Variants in KCNA3 observed in about 807,000 individuals in gnomAD.
KCNA3 encodes the protein RP11-284N8.3.
A neutral mutation model predicts 34.3 loss-of-function variants in KCNA3; 18 were observed. That is an observed-to-expected ratio of 0.52 (90% CI 0.36 to 0.78). KCNA3 has a LOEUF of 0.78. Ranked by LOEUF, KCNA3 falls within the 30% of genes least tolerant of loss-of-function variation. The probability of loss-of-function intolerance (pLI) is 0.00; values close to 1 mark genes in which losing one functional copy is unlikely to be tolerated. For synonymous variants in KCNA3, 324 were observed against 351.7 expected (o/e 0.92, Z 0.88); for missense variants, 587 against 802.5 (o/e 0.73, Z 3.24).
chr1:110,662,136 ATTC>A, the KCNA3 span, among the ~76,000 whole-genome samples: 118 of 108,160 alleles, frequency 1.1e-3, no homozygotes, highest in East Asian at 1.5e-3. Context: ...AAAAAAAAAA[ATTC>A]AGAATGTCTA....
chr1:110,663,211 T>A, the KCNA3 span, among the ~76,000 whole-genome samples: 3 of 152,106 alleles, frequency 2.0e-5, no homozygotes, highest in African/African-American at 7.2e-5. Flanking sequence ...AAATAAACAA[T>A]GTCACAATCC....
the KCNA3 span, among the ~76,000 whole-genome samples, chr1:110,657,531 T>C: frequency 6.6e-6 from 1 of 152,182 alleles, no homozygotes; most frequent in African/African-American, 2.4e-5. Context: ...TGGTCTACTG[T>C]TATCTAAACC....
the KCNA3 span, among the ~76,000 whole-genome samples, chr1:110,659,738 T>C: frequency 6.6e-6 from 1 of 152,200 alleles, no homozygotes. Flanking sequence ...ATATACACCA[T>C]GGAATACTAT....
the KCNA3 span, chr1:110,656,765 G>T: frequency 6.6e-6 from 1 of 152,054 alleles, no homozygotes; most frequent in Non-Finnish European, 1.5e-5. Flanking sequence ...CTCTGGTACA[G>T]TTTTAGCATT....
downstream of KCNA3, among the ~76,000 whole-genome samples, chr1:110,667,956 C>A (rs1249466727): frequency 6.6e-6 from 1 of 152,106 alleles, no homozygotes; most frequent in East Asian, 1.9e-4. Flanking sequence ...ATAGTAAGGT[C>A]TGGGCTCTGA....
chr1:110,660,444 G>T, the KCNA3 span, among the ~76,000 whole-genome samples: 4 of 152,134 alleles, frequency 2.6e-5, no homozygotes, highest in South Asian at 8.3e-4. Flanking sequence ...CCATCTTACT[G>T]TGGTAATCTA....
At chr1:110,663,299 A>G in the KCNA3 span, among the ~76,000 whole-genome samples, 1,422 of 152,228 alleles carry the variant, frequency 9.3e-3, 24 homozygotes, top group African/African-American at 0.033. Context: ...AATCCCTAAC[A>G]TTTTTCTCAG....
At chr1:110,663,835 C>T in the KCNA3 span, among the ~76,000 whole-genome samples, 1 of 152,176 alleles carries the variant, frequency 6.6e-6, no homozygotes, top group Admixed American at 6.5e-5. Context: ...CAAATCTGCT[C>T]TTACTTTTCA....
chr1:110,674,186 C>G lies in KCNA3; in HGVS notation c.624G>C (p.Glu208Asp), dbSNP rs1049061732. The G allele has an allele frequency of 5.0e-6, 8 of 1,612,142 alleles. No homozygotes were observed. In the Admixed American group the frequency reaches 5.0e-5, roughly 10 times the overall value. Residue 208 changes from glutamate to aspartate, a missense_variant, in exon 1 of 1, where the codon GAG becomes GAC. Physicochemically the swap from Glu to Asp is conservative, Grantham distance 45 (BLOSUM62 2). Coordinates refer to ENST00000369769, the MANE Select transcript of KCNA3 (RefSeq NM_002232.5). This position sits in a 1 kb window ranked among gnomAD's most constrained non-coding sequence, Gnocchi z 6.4. ...REDEGFLREE[E>D]RPLPRRDFQR... is the part of the protein sequence containing the mutation. ...GGAAGTCGCGGCGGGGCAAGGGCCG[C>G]TCCTCCTCCCGCAGGAAGCCCTCGT...
chr1:110,670,874 C>T (rs1401813413), downstream of KCNA3, among the ~76,000 whole-genome samples: 1 of 152,134 alleles, frequency 6.6e-6, no homozygotes, highest in Non-Finnish European at 1.5e-5. Flanking sequence ...TATAAATGTA[C>T]TCCTAACTGA....
At chr1:110,667,451 C>T in the KCNA3 span, among the ~76,000 whole-genome samples, 3 of 152,190 alleles carry the variant, frequency 2.0e-5, no homozygotes, top group Admixed American at 2.0e-4. Flanking sequence ...CAGAGTCTTG[C>T]ATGAACAAAT....
At position 110,674,305 on chromosome 1, in the gene KCNA3, T is replaced by A; in HGVS notation, c.505A>T (p.Ile169Phe). The change falls in exon 1 of 1, where the codon ATC becomes TTC. Residue 169 changes from isoleucine (I) to phenylalanine (F), a missense_variant. This residue lies in a region of KCNA3 where 341 missense variants were observed against 355.4 expected (regional missense o/e 0.96). Coordinates refer to ENST00000369769, the MANE Select transcript of KCNA3 (RefSeq NM_002232.5). This position sits in a 1 kb window ranked among gnomAD's most constrained non-coding sequence, Gnocchi z 6.4. Reference sequence around the variant, plus strand: ...ATGGGCACGTTGACCGGCCGGCGGATGCGGCCCCCGGACTGATAGTAGTAG... The same window carrying A: ...ATGGGCACGTTGACCGGCCGGCGGAAGCGGCCCCCGGACTGATAGTAGTAG... ...ILYYYQSGGR[I>F]RRPVNVPIDI... 6.2e-7 allele frequency: 1 copy of A among 1,614,122 alleles called. No homozygotes were observed. The highest frequency in any genetic ancestry group is 8.5e-7 in the Non-Finnish European group (1 of 1,180,000).
At chr1:110,660,007 A>G in the KCNA3 span, among the ~76,000 whole-genome samples, 1 of 152,170 alleles carries the variant, frequency 6.6e-6, no homozygotes, top group Non-Finnish European at 1.5e-5. Flanking sequence ...TGGGTGCAGC[A>G]AACCAACATG....
the KCNA3 span, among the ~76,000 whole-genome samples, chr1:110,662,171 T>C: frequency 0.011 from 1,556 of 148,182 alleles, 22 homozygotes; most frequent in African/African-American, 0.036. Context: ...AAGATGTGGG[T>C]TGAAAGGCTT....
At chr1:110,658,057 T>C in the KCNA3 span, among the ~76,000 whole-genome samples, 2 of 152,232 alleles carry the variant, frequency 1.3e-5, no homozygotes, top group Non-Finnish European at 2.9e-5. Context: ...TTTCATTTTT[T>C]CCTGTAGTGA....
At chr1:110,664,088 A>AT in the KCNA3 span, among the ~76,000 whole-genome samples, 1 of 152,114 alleles carries the variant, frequency 6.6e-6, no homozygotes, top group African/African-American at 2.4e-5. Flanking sequence ...GACTCCATGG[A>AT]TTTTCAGGAC....
chr1:110,673,013 A>G lies in KCNA3; in HGVS notation c.*69T>C, dbSNP rs779411809. The G allele has an allele frequency of 2.6e-4, 361 of 1,414,072 alleles. No individual in the cohort carries two copies. Among genetic ancestry groups the G allele is most frequent in the Non-Finnish European group, 3.2e-4 (329 of 1,034,994 alleles). The allele number at this position is 1,414,072 out of a possible 1,614,324, so 87.6% of individuals were successfully genotyped here. On this transcript the variant is annotated 3_prime_UTR_variant, in exon 1 of 1. Coordinates refer to ENST00000369769, the MANE Select transcript of KCNA3 (RefSeq NM_002232.5). This position sits in a 1 kb window ranked among gnomAD's most constrained non-coding sequence, Gnocchi z 8.8. ...GAATGGTCTGGAAATGTATAAAACA[A>G]GGGCATAGGCAGACCAAGGGGGCAC...
Position 110,673,332 on chromosome 1 carries a change from C to T in KCNA3, c.1478G>A (p.Gly493Glu). The T allele has an allele frequency of 3.7e-6, 6 of 1,614,078 alleles. No homozygotes were observed. Among genetic ancestry groups the T allele is most frequent in the Non-Finnish European group, 5.1e-6 (6 of 1,180,028 alleles). ...FNYFYHRETE[G>E]EEQSQYMHVG... ...GTGCATGTACTGGGATTGCTCTTCC[C>T]CTTCTGTCTCCCGGTGGTAGAAGTA... is the stretch of plus-strand genomic sequence containing the variant. Residue 493 changes from glycine (G) to glutamate (E), a missense_variant, in exon 1 of 1, where the codon GGG (glycine) becomes GAG (glutamate). Gly to Glu is a moderately conservative substitution (Grantham distance 98, BLOSUM62 -2). Transcript: ENST00000369769. The surrounding 1 kb of genome is among the most constrained non-coding windows in gnomAD (Gnocchi z 8.8).
chr1:110,673,994 G>A lies in KCNA3; in HGVS notation c.816C>T (p.Asp272=), dbSNP rs1472897991. The stretch of plus-strand genomic sequence containing the variant: ...TGCTGTTGCCGGCTGCTTCGAATGA[G>A]TCCTGCGACGTCGAGGCGGGGTAGT... The part of the protein sequence containing the change: ...EKDYPASTSQ[D]SFEAAGNSTS... Residue 272 remains aspartate, a synonymous_variant, in exon 1 of 1, where the codon GAC becomes GAT. Coordinates refer to ENST00000369769, the MANE Select transcript of KCNA3 (RefSeq NM_002232.5). The surrounding 1 kb of genome is among the most constrained non-coding windows in gnomAD (Gnocchi z 8.8). 2 of 1,613,486 alleles carry A rather than the reference G, an allele frequency of 1.2e-6. No homozygotes were observed. The highest frequency in any genetic ancestry group is 8.5e-7 in the Non-Finnish European group (1 of 1,179,728).
Sources: allele counts gnomAD v4.1 joint callset (sites outside exome capture counted in the v4.1 genomes callset), GRCh38; gene constraint gnomAD v4.1.1; regional missense constraint gnomAD v4.1.1; non-coding constraint Gnocchi (gnomAD v3.1); transcripts MANE v1.5; gene names NCBI Gene and HGNC (gene_info 2026-07-23, HGNC 2026-07-21).